Variants in CNTNAP2 observed in about 807,000 individuals in gnomAD.
The protein encoded by CNTNAP2 is contactin-associated protein-like 2.
CNTNAP2 carries 98 observed loss-of-function variants against 155.2 expected under a neutral mutation model. That is an observed-to-expected ratio of 0.63 (90% CI 0.54 to 0.75). The LOEUF is 0.75. CNTNAP2 is among the 30% of genes least tolerant of loss of function. The pLI is 0.00. For missense variants in CNTNAP2, 1,727 were observed against 1,688.1 expected (o/e 1.02, Z -0.40); for synonymous variants, 651 against 631.2 (o/e 1.03, Z -0.47).
intron 8 of CNTNAP2, among the ~76,000 whole-genome samples, chr7:147,211,972 A>G (rs535186419): frequency 7.9e-5 from 12 of 152,252 alleles, no homozygotes; most frequent in Admixed American, 7.2e-4. Flanking sequence ...AAGATACACA[A>G]GCAGCTAACA....
At chr7:147,525,562 G>T (rs1394630920) in intron 11 of CNTNAP2, among the ~76,000 whole-genome samples, 1 of 152,236 alleles carries the variant, frequency 6.6e-6, no homozygotes, top group Non-Finnish European at 1.5e-5. Flanking sequence ...ATGGGCAGCA[G>T]ATATAGTTGG....
chr7:148,169,156 G>A (rs974694614), intron 17 of CNTNAP2, among the ~76,000 whole-genome samples: 14 of 152,224 alleles, frequency 9.2e-5, no homozygotes, highest in African/African-American at 1.9e-4. Flanking sequence ...AGCAAAAAGC[G>A]AAGAACACAA....
intron 1 of CNTNAP2, among the ~76,000 whole-genome samples, chr7:146,667,053 A>G (rs1480787210): frequency 6.6e-6 from 1 of 152,108 alleles, no homozygotes; most frequent in Non-Finnish European, 1.5e-5. Flanking sequence ...TACTCATAAA[A>G]TATTTTCCAG....
chr7:148,216,823 A>T (rs1795646972), intron 18 of CNTNAP2, among the ~76,000 whole-genome samples: 1 of 152,214 alleles, frequency 6.6e-6, no homozygotes, highest in African/African-American at 2.4e-5. Flanking sequence ...TAATTTAATC[A>T]CAGGAGGAGG....
At chr7:147,694,205 A>G (rs1796130379) in intron 13 of CNTNAP2, among the ~76,000 whole-genome samples, 1 of 152,056 alleles carries the variant, frequency 6.6e-6, no homozygotes, top group Admixed American at 6.5e-5. Flanking sequence ...TTAATAAATC[A>G]CAGTTGTTCA....
chr7:147,030,220 T>C (rs1280230142), intron 3 of CNTNAP2, among the ~76,000 whole-genome samples: 1 of 152,214 alleles, frequency 6.6e-6, no homozygotes, highest in Non-Finnish European at 1.5e-5. Context: ...AAAACTGTAA[T>C]GTATTTCCTA....
At chr7:146,904,180 G>A (rs1038383219) in intron 3 of CNTNAP2, among the ~76,000 whole-genome samples, 9 of 151,896 alleles carry the variant, frequency 5.9e-5, no homozygotes, top group African/African-American at 9.7e-5. Context: ...TAACTTACTC[G>A]TCTCCATTCA....
rs1001034038 is a variant in CNTNAP2, at chr7:147,884,518, A to C, written c.2099-19047A>C. On this transcript the variant is annotated intron_variant, in intron 13 of 23. Transcript: ENST00000361727. Reference sequence around the variant, plus strand: ...AGAAAAAAAAAAAAATGACTAATTGACATAATGTGAAGAGCTTTGAAGAAT... The same window carrying C: ...AGAAAAAAAAAAAAATGACTAATTGCCATAATGTGAAGAGCTTTGAAGAAT... 2.0e-5 allele frequency among the ~76,000 whole-genome samples: 3 copies of C among 152,098 alleles called. No homozygotes were observed. The East Asian group carries it at 5.8e-4, about 29-fold the overall frequency.
chr7:147,313,105 G>T, intron 9 of CNTNAP2, among the ~76,000 whole-genome samples: 1 of 135,736 alleles, frequency 7.4e-6, no homozygotes, highest in Admixed American at 7.6e-5. Context: ...TTTTTGATGG[G>T]GTTGTTTGTT....
At chr7:146,974,988 C>A (rs1220493310) in intron 3 of CNTNAP2, among the ~76,000 whole-genome samples, 1 of 152,008 alleles carries the variant, frequency 6.6e-6, no homozygotes, top group East Asian at 1.9e-4. Context: ...CAAAACAAAG[C>A]AAAACAAGAA....
intron 1 of CNTNAP2, among the ~76,000 whole-genome samples, chr7:146,475,008 C>CGT (rs1367980196): frequency 7.0e-5 from 9 of 129,074 alleles, no homozygotes; most frequent in Admixed American, 2.6e-4. Flanking sequence ...CACGCGCGCG[C>CGT]GCGCGCACAC....
intron 10 of CNTNAP2, among the ~76,000 whole-genome samples, chr7:147,397,013 G>A (rs957566138): frequency 1.3e-5 from 2 of 152,022 alleles, no homozygotes; most frequent in Admixed American, 1.3e-4. Context: ...CTATTTTGAA[G>A]TAAGTTTGCT....
At chr7:146,929,011 C>T (rs926475501) in intron 3 of CNTNAP2, among the ~76,000 whole-genome samples, 3 of 152,198 alleles carry the variant, frequency 2.0e-5, no homozygotes, top group Non-Finnish European at 4.4e-5. Flanking sequence ...GGGGGCAGGG[C>T]ACAGACAAAC....
intron 9 of CNTNAP2, among the ~76,000 whole-genome samples, chr7:147,373,795 G>C (rs1168510257): frequency 1.3e-5 from 2 of 151,772 alleles, no homozygotes; most frequent in African/African-American, 4.8e-5. Context: ...TTTTTTGCTT[G>C]TTGGTTTGGT....
chr7:146,822,040 C>T (rs1281198559), intron 2 of CNTNAP2, among the ~76,000 whole-genome samples: 1 of 152,072 alleles, frequency 6.6e-6, no homozygotes, highest in Non-Finnish European at 1.5e-5. Context: ...TATTGCGGCA[C>T]TATTCACAGT....
In CNTNAP2 at chr7:147,202,587, T is replaced by TG. The variant is rs200215315; in HGVS notation, c.1348+70080dup. Among the ~76,000 whole-genome samples the TG allele has an allele frequency of 6.2e-3, 939 of 152,256 alleles. 4 individuals carry two copies. Among genetic ancestry groups the TG allele is most frequent in the Middle Eastern group, 0.01 (3 of 292 alleles). On this transcript the variant is annotated intron_variant, in intron 8 of 23. Coordinates refer to ENST00000361727, the MANE Select transcript of CNTNAP2 (RefSeq NM_014141.6). Reference sequence around the variant, plus strand: ...AATGATAGACTGGAGTAGGAAAATGTGGCACATATACACCATGGAATACAG... The same window carrying TG: ...AATGATAGACTGGAGTAGGAAAATGTGGGCACATATACACCATGGAATACAG...
intron 19 of CNTNAP2, among the ~76,000 whole-genome samples, chr7:148,223,896 G>A (rs1795794524): frequency 6.6e-6 from 1 of 152,206 alleles, no homozygotes; most frequent in Admixed American, 6.5e-5. Flanking sequence ...TGACAGCAGA[G>A]AGGAAAATGT....
intron 20 of CNTNAP2, among the ~76,000 whole-genome samples, chr7:148,256,856 C>A (rs2116825072): frequency 6.6e-6 from 1 of 152,288 alleles, no homozygotes; most frequent in Non-Finnish European, 1.5e-5. Context: ...TAGGCTAGGC[C>A]ACCTCTGGCC....
chr7:147,044,069 G>A lies in CNTNAP2; in HGVS notation c.550+15G>A. On this transcript the variant is annotated intron_variant, in intron 4 of 23. Coordinates refer to ENST00000361727, the MANE Select transcript of CNTNAP2 (RefSeq NM_014141.6). ...CTGTTCTTACTGTGAGTATCGTATT[G>A]TTTAAATTTGTGGCAGGTTTTATCT... 1 of 1,613,888 alleles carries A rather than the reference G, an allele frequency of 6.2e-7. No homozygotes were observed. Among genetic ancestry groups the A allele is most frequent in the South Asian group, 1.1e-5 (1 of 91,064 alleles).
Sources: allele counts gnomAD v4.1 joint callset (sites outside exome capture counted in the v4.1 genomes callset), GRCh38; gene constraint gnomAD v4.1.1; transcripts MANE v1.5; gene names NCBI Gene and HGNC (gene_info 2026-07-23, HGNC 2026-07-21).